LRP1B: variants seen among roughly 807,000 people sequenced by gnomAD.
LRP1B encodes the protein low-density lipoprotein receptor-related protein 1B.
Under a neutral mutation model 556.6 loss-of-function variants are expected in LRP1B, and 217 were observed. That is an observed-to-expected ratio of 0.39 (90% CI 0.35 to 0.44). The LOEUF is 0.44. Ranked by LOEUF, LRP1B falls within the 20% of genes least tolerant of loss-of-function variation. The pLI is 1.00. For synonymous variants in LRP1B, 2,047 were observed against 1,865.8 expected (o/e 1.10, Z -2.50); for missense variants, 5,053 against 5,620.8 (o/e 0.90, Z 3.23).
At chr2:140,756,900 T>G (rs1688758813) in intron 35 of LRP1B, among the ~76,000 whole-genome samples, 2 of 152,104 alleles carry the variant, frequency 1.3e-5, no homozygotes, top group African/African-American at 4.8e-5. Flanking sequence ...GGCAGAAAAC[T>G]TTTGCAAATT....
At chr2:141,174,429 G>A (rs1012151146) in intron 7 of LRP1B, among the ~76,000 whole-genome samples, 3 of 152,036 alleles carry the variant, frequency 2.0e-5, no homozygotes, top group Admixed American at 2.0e-4. Flanking sequence ...CTGGTGGAAG[G>A]TGATTGGATC....
At chr2:140,267,904 T>A (rs2104939578) in intron 86 of LRP1B, among the ~76,000 whole-genome samples, 1 of 151,666 alleles carries the variant, frequency 6.6e-6, no homozygotes, top group South Asian at 2.1e-4. Flanking sequence ...CATTTTTAAA[T>A]TGTATGATTT....
At chr2:141,422,126 A>G (rs919781249) in intron 3 of LRP1B, among the ~76,000 whole-genome samples, 1 of 152,204 alleles carries the variant, frequency 6.6e-6, no homozygotes, top group African/African-American at 2.4e-5. Context: ...CAACTTTTTC[A>G]TCTACAAAAT....
At chr2:141,435,749 G>T (rs1362171071) in intron 3 of LRP1B, among the ~76,000 whole-genome samples, 1 of 152,142 alleles carries the variant, frequency 6.6e-6, no homozygotes, top group Non-Finnish European at 1.5e-5. Flanking sequence ...GGGAGATCAG[G>T]CTCCCAATAT....
chr2:140,871,292 G>A (rs2105162416), intron 25 of LRP1B, among the ~76,000 whole-genome samples: 1 of 152,270 alleles, frequency 6.6e-6, no homozygotes, highest in East Asian at 1.9e-4. Flanking sequence ...TTAGCACACA[G>A]AATGATTAGC....
chr2:141,937,114 G>A (rs1432566486), intron 1 of LRP1B, among the ~76,000 whole-genome samples: 4 of 152,070 alleles, frequency 2.6e-5, no homozygotes, highest in Non-Finnish European at 4.4e-5. Context: ...CATGTGCCAG[G>A]CGAGGTGGCT....
intron 41 of LRP1B, among the ~76,000 whole-genome samples, chr2:140,622,168 AC>A: frequency 6.6e-6 from 1 of 152,166 alleles, no homozygotes; most frequent in East Asian, 1.9e-4. Flanking sequence ...TGCACAACAA[AC>A]TTTTTGTACC....
At chr2:140,262,075 AAAG>A (rs1466501109) in intron 86 of LRP1B, among the ~76,000 whole-genome samples, 9 of 152,068 alleles carry the variant, frequency 5.9e-5, no homozygotes, top group East Asian at 1.9e-4. Flanking sequence ...TATTAAAAAA[AAAG>A]ATCAGAAGAA....
At chr2:140,918,662 A>G (rs1278597988) in intron 21 of LRP1B, among the ~76,000 whole-genome samples, 1 of 152,086 alleles carries the variant, frequency 6.6e-6, no homozygotes, top group Non-Finnish European at 1.5e-5. Flanking sequence ...GGTGTTATAG[A>G]CCGAATGTTT....
At chr2:141,578,400 A>C (rs1574099315) in intron 2 of LRP1B, among the ~76,000 whole-genome samples, 2 of 151,654 alleles carry the variant, frequency 1.3e-5, no homozygotes, top group East Asian at 3.9e-4. Context: ...CCTTCTCAAA[A>C]AAAAAAAAAA....
At chr2:141,982,102 G>T (rs756461576) in intron 1 of LRP1B, among the ~76,000 whole-genome samples, 4 of 151,986 alleles carry the variant, frequency 2.6e-5, no homozygotes, top group Non-Finnish European at 4.4e-5. Flanking sequence ...ATAATAACTC[G>T]CATTTCCCTA....
At chr2:140,686,381 T>C (rs1397281420) in intron 41 of LRP1B, among the ~76,000 whole-genome samples, 2 of 152,110 alleles carry the variant, frequency 1.3e-5, no homozygotes, top group South Asian at 2.1e-4. Flanking sequence ...CTAGCAATCA[T>C]TCAGTAATAA....
intron 41 of LRP1B, among the ~76,000 whole-genome samples, chr2:140,670,269 T>C (rs756334072): frequency 9.9e-5 from 15 of 152,272 alleles, no homozygotes; most frequent in East Asian, 1.9e-4. Flanking sequence ...GAAGTTACAT[T>C]AAAATAATTT....
rs751786929 is a variant in LRP1B, at chr2:141,488,965, G to GTTTTT, written c.206-8437_206-8433dup. Among the ~76,000 whole-genome samples the GTTTTT allele has an allele frequency of 6.3e-5, 7 of 111,048 alleles. No homozygotes were observed. The South Asian group carries it at 8.7e-4, about 14-fold the overall frequency. 72.9% of individuals were successfully genotyped at this position (111,048 alleles called of 152,430 possible). On this transcript the variant is annotated intron_variant, in intron 2 of 90. Coordinates refer to ENST00000389484, the MANE Select transcript of LRP1B (RefSeq NM_018557.3). ...TAAGTGTGTTCTTTTACATGGGTTTGTTTTTTTTTGTTTGTTTGTTTGTTT... is the reference window on the plus strand; with the variant it reads ...TAAGTGTGTTCTTTTACATGGGTTTGTTTTTTTTTTTTTTGTTTGTTTGTTTGTTT...
At position 141,570,192 on chromosome 2, in the gene LRP1B, C is replaced by A. The variant is rs142843710; in HGVS notation, c.206-89659G>T. Reference sequence around the variant, plus strand: ...AAGTGTGTGAATCCTTCACCCCCAACGAAGGCCTCTGGGTTGGTGGATCAT... The same window carrying A: ...AAGTGTGTGAATCCTTCACCCCCAAAGAAGGCCTCTGGGTTGGTGGATCAT... On this transcript the variant is annotated intron_variant, in intron 2 of 90. Coordinates refer to ENST00000389484, the MANE Select transcript of LRP1B (RefSeq NM_018557.3). Among the ~76,000 whole-genome samples the A allele has an allele frequency of 2.3e-4, 34 of 151,048 alleles. 1 individual carries two copies. The highest frequency in any genetic ancestry group is 4.7e-4 in the Non-Finnish European group (32 of 67,382).
intron 2 of LRP1B, among the ~76,000 whole-genome samples, chr2:141,764,829 T>C (rs1191390966): frequency 6.6e-6 from 1 of 152,188 alleles, no homozygotes; most frequent in Admixed American, 6.5e-5. Context: ...TGCATACTTA[T>C]AACGCAACAA....
chr2:140,759,129 T>A (rs2104911278), intron 35 of LRP1B, among the ~76,000 whole-genome samples: 1 of 152,278 alleles, frequency 6.6e-6, no homozygotes, highest in African/African-American at 2.4e-5. Flanking sequence ...TAATTCTGAT[T>A]CTTTTCACAT....
At position 140,953,117 on chromosome 2, in the gene LRP1B, G is replaced by A. The variant is rs938147818; in HGVS notation, c.2888-1177C>T. Among the ~76,000 whole-genome samples, 5 of 152,230 alleles carry A rather than the reference G, an allele frequency of 3.3e-5. No homozygotes were observed. In the South Asian group the frequency reaches 6.2e-4, roughly 19 times the overall value. On this transcript the variant is annotated intron_variant, in intron 18 of 90. Transcript: ENST00000389484. ...TTTGTTTGTTTGTTTTTGATATGGAGTCTCACTCTGTGGCTCAGGCTGGAG... is the reference window on the plus strand; with the variant it reads ...TTTGTTTGTTTGTTTTTGATATGGAATCTCACTCTGTGGCTCAGGCTGGAG...
intron 20 of LRP1B, among the ~76,000 whole-genome samples, chr2:140,935,753 C>T (rs1001503680): frequency 2.0e-5 from 3 of 151,840 alleles, no homozygotes; most frequent in Non-Finnish European, 2.9e-5. Context: ...ATCTTGAAAG[C>T]GGCAAGTGAG....
Sources: allele counts gnomAD v4.1 joint callset (sites outside exome capture counted in the v4.1 genomes callset), GRCh38; gene constraint gnomAD v4.1.1; transcripts MANE v1.5; gene names NCBI Gene and HGNC (gene_info 2026-07-23, HGNC 2026-07-21).